Variants in NUDT3 observed in about 807,000 individuals in gnomAD.
The protein encoded by NUDT3 is diphosphoinositol polyphosphate phosphohydrolase 1.
A neutral mutation model predicts 23.6 loss-of-function variants in NUDT3; 9 were observed. The observed-to-expected ratio is 0.38, with a 90% CI of 0.23 to 0.66. The LOEUF is 0.66. NUDT3 is among the 30% of genes least tolerant of loss of function. The probability of loss-of-function intolerance (pLI) is 0.52; values close to 1 mark genes in which losing one functional copy is unlikely to be tolerated. For missense variants in NUDT3, 172 were observed against 218.5 expected, an observed-to-expected ratio of 0.79 and a Z score of 1.34; for synonymous variants, 86 against 82.6, an observed-to-expected ratio of 1.04 and a Z score of -0.22.
At chr6:34,370,019 CAT>C (rs1262548138) in intron 1 of NUDT3, among the ~76,000 whole-genome samples, 1 of 152,138 alleles carries the variant, frequency 6.6e-6, no homozygotes, top group Non-Finnish European at 1.5e-5. Context: ...AGCCCTGAAA[CAT>C]AATATTTAGA....
chr6:34,373,929 G>A (rs1267326985), intron 1 of NUDT3, among the ~76,000 whole-genome samples: 6 of 152,024 alleles, frequency 3.9e-5, no homozygotes, highest in Non-Finnish European at 8.8e-5. Flanking sequence ...CAAGGCGGGC[G>A]GATCATCTGA....
intron 2 of NUDT3, among the ~76,000 whole-genome samples, chr6:34,332,301 A>G (rs556520284): frequency 6.6e-6 from 1 of 152,320 alleles, no homozygotes; most frequent in African/African-American, 2.4e-5. Flanking sequence ...TAAGAAAACC[A>G]TAAGGAAGAG....
At position 34,351,780 on chromosome 6, in the gene NUDT3, C is replaced by T. The variant is rs1764483263; in HGVS notation, c.100-9808G>A. Among the ~76,000 whole-genome samples the T allele has an allele frequency of 2.3e-5, 3 of 132,320 alleles. No individual in the cohort carries two copies. In the South Asian group the frequency reaches 7.2e-4, roughly 32 times the overall value. The allele number at this position is 132,320 out of a possible 152,430, so 86.8% of individuals were successfully genotyped here. On this transcript the variant is annotated intron_variant, in intron 1 of 4. Coordinates refer to ENST00000607016, the MANE Select transcript of NUDT3 (RefSeq NM_006703.4). Reference sequence around the variant, plus strand: ...AAAAAAAAGAAATAGAAAAAATATACATACACACAGATGTATCATTCTTAA... The same window carrying T: ...AAAAAAAAGAAATAGAAAAAATATATATACACACAGATGTATCATTCTTAA...
chr6:34,371,422 C>A (rs544909551), intron 1 of NUDT3, among the ~76,000 whole-genome samples: 1 of 150,638 alleles, frequency 6.6e-6, no homozygotes, highest in Non-Finnish European at 1.5e-5. Context: ...GCTGAGATTG[C>A]ACCACTGCAC....
At chr6:34,377,898 C>T (rs1044527236) in intron 1 of NUDT3, among the ~76,000 whole-genome samples, 50 of 151,956 alleles carry the variant, frequency 3.3e-4, no homozygotes, top group Middle Eastern at 3.5e-3. Context: ...AAAACACTGG[C>T]GTTCAGGCTA....
At chr6:34,345,587 C>T (rs570288072) in intron 1 of NUDT3, among the ~76,000 whole-genome samples, 65 of 142,476 alleles carry the variant, frequency 4.6e-4, no homozygotes, top group Admixed American at 4.4e-3. Flanking sequence ...GGCGTGAACC[C>T]GGGAGGTGGA....
chr6:34,345,675 A>AC (rs1476066983), intron 1 of NUDT3, among the ~76,000 whole-genome samples: 1 of 151,540 alleles, frequency 6.6e-6, no homozygotes, highest in East Asian at 2.0e-4. Flanking sequence ...AAAAAAAAAA[A>AC]AAAAAGCTGA....
Position 34,288,696 on chromosome 6 carries a change from A to T in NUDT3, c.*57T>A. The T allele has an allele frequency of 1.3e-6, 2 of 1,555,768 alleles. No individual in the cohort carries two copies. The highest frequency in any genetic ancestry group is 2.5e-5 in the South Asian group (2 of 81,092). Reference sequence around the variant, plus strand: ...AGTGGAAAGAGCCAGGGTGAGAGGGAAGATTTGCACTTCAGTCTAGTTTCC... The same window carrying T: ...AGTGGAAAGAGCCAGGGTGAGAGGGTAGATTTGCACTTCAGTCTAGTTTCC... On this transcript the variant is annotated 3_prime_UTR_variant, in exon 5 of 5. Transcript: ENST00000607016.
intron 2 of NUDT3, among the ~76,000 whole-genome samples, chr6:34,337,966 T>A (rs1012894547): frequency 1.3e-5 from 2 of 152,234 alleles, no homozygotes; most frequent in African/African-American, 4.8e-5. Context: ...TGGATTTAAA[T>A]CAAAATTATT....
chr6:34,370,526 A>G (rs1451744013), intron 1 of NUDT3, among the ~76,000 whole-genome samples: 1 of 152,222 alleles, frequency 6.6e-6, no homozygotes, highest in Non-Finnish European at 1.5e-5. Flanking sequence ...ATGAGTATTT[A>G]GCGAAAAGAG....
intron 4 of NUDT3, among the ~76,000 whole-genome samples, chr6:34,290,406 T>C (rs1239909587): frequency 6.7e-5 from 10 of 148,834 alleles, no homozygotes; most frequent in Non-Finnish European, 1.5e-4. Context: ...TGCTTCTTTT[T>C]TTTTTTTTTT....
intron 1 of NUDT3, among the ~76,000 whole-genome samples, chr6:34,366,075 T>A (rs1013221983): frequency 2.0e-5 from 3 of 150,444 alleles, no homozygotes; most frequent in Non-Finnish European, 3.0e-5. Context: ...TAATATTTTT[T>A]AAAAAGTAAG....
chr6:34,315,555 T>C (rs1438356515), intron 2 of NUDT3, among the ~76,000 whole-genome samples: 1 of 152,238 alleles, frequency 6.6e-6, no homozygotes, highest in African/African-American at 2.4e-5. Context: ...ATTAAATTTT[T>C]TTAAGACAGA....
intron 1 of NUDT3, among the ~76,000 whole-genome samples, chr6:34,383,440 T>A (rs1413005211): frequency 6.6e-6 from 1 of 152,140 alleles, no homozygotes; most frequent in African/African-American, 2.4e-5. Flanking sequence ...CAGGCTGGAG[T>A]GCAGTGATGC....
chr6:34,335,750 G>T lies in NUDT3; in HGVS notation c.210+6112C>A, dbSNP rs868057150. Reference sequence around the variant, plus strand: ...AAGTGTTTTTTTCTTTGAAAATGCTGTGTTTTTTTTTTTTGTTTTTTAAGA... The same window carrying T: ...AAGTGTTTTTTTCTTTGAAAATGCTTTGTTTTTTTTTTTTGTTTTTTAAGA... On this transcript the variant is annotated intron_variant, in intron 2 of 4. Transcript: ENST00000607016. Among the ~76,000 whole-genome samples the T allele has an allele frequency of 1.3e-3, 196 of 147,338 alleles. 1 individual carries two copies. The highest frequency in any genetic ancestry group is 6.0e-3 in the South Asian group (28 of 4,652).
At chr6:34,330,897 C>T (rs113216129) in intron 2 of NUDT3, among the ~76,000 whole-genome samples, 1,637 of 152,306 alleles carry the variant, frequency 0.011, 22 homozygotes, top group African/African-American at 0.036. Context: ...CTGTGATGCC[C>T]AGGCTGGAGT....
chr6:34,355,242 T>C (rs765278682), intron 1 of NUDT3, among the ~76,000 whole-genome samples: 44 of 152,226 alleles, frequency 2.9e-4, no homozygotes, highest in Non-Finnish European at 5.1e-4. Context: ...AAATGGACAT[T>C]GGATTTTGTC....
At chr6:34,292,893 A>C (rs896629926) in intron 4 of NUDT3, among the ~76,000 whole-genome samples, 1 of 152,230 alleles carries the variant, frequency 6.6e-6, no homozygotes, top group Non-Finnish European at 1.5e-5. Flanking sequence ...GTTTGATTTT[A>C]GAAGCAACAT....
intron 2 of NUDT3, among the ~76,000 whole-genome samples, chr6:34,296,475 G>C (rs907299529): frequency 6.6e-6 from 1 of 150,414 alleles, no homozygotes; most frequent in Admixed American, 6.6e-5. Context: ...TCGGGAGGCT[G>C]AGGTGGGAGG....
Sources: gnomAD v4.1 joint callset for allele counts (sites outside exome capture counted in the v4.1 genomes callset) on GRCh38, gnomAD v4.1.1 for gene constraint, MANE v1.5 for transcripts, NCBI Gene and HGNC (gene_info 2026-07-23, HGNC 2026-07-21) for gene names.